Variants in DMXL2 observed in about 807,000 individuals in gnomAD.
DMXL2 encodes the protein dmX-like protein 2.
DMXL2 carries 103 observed loss-of-function variants against 331.1 expected under a neutral mutation model. That is an observed-to-expected ratio of 0.31 (90% confidence interval 0.27 to 0.37). The LOEUF (loss-of-function observed/expected upper bound fraction) is 0.37. DMXL2 is among the 10% of genes least tolerant of loss of function. The pLI is 1.00. For missense variants in DMXL2, 3,171 were observed against 3,642.9 expected, an observed-to-expected ratio of 0.87 and a Z score of 3.33; for synonymous variants, 1,281 against 1,252.1, an observed-to-expected ratio of 1.02 and a Z score of -0.49.
intron 1 of DMXL2, among the ~76,000 whole-genome samples, chr15:51,578,926 G>A (rs2051225621): frequency 6.6e-6 from 1 of 152,174 alleles, no homozygotes; most frequent in Non-Finnish European, 1.5e-5. Flanking sequence ...GAAACACAGT[G>A]AGACTTCATC....
At chr15:51,495,164 G>C (rs1195888823) in intron 18 of DMXL2, 30 bp from the exon 19 acceptor site, 1 of 1,480,382 alleles carries the variant, frequency 6.8e-7, no homozygotes, top group Admixed American at 1.7e-5. Flanking sequence ...TATGTTTAAG[G>C]AAAAAAGAAT....
chr15:51,464,970 C>T, intron 31 of DMXL2, 94 bp from the exon 32 acceptor site: 5 of 1,106,970 alleles, frequency 4.5e-6, no homozygotes, highest in Middle Eastern at 2.3e-4. Flanking sequence ...GATAATACTT[C>T]TGAAAATACA....
intron 1 of DMXL2, among the ~76,000 whole-genome samples, chr15:51,593,125 G>T (rs1051383535): frequency 2.3e-4 from 35 of 152,126 alleles, no homozygotes; most frequent in Non-Finnish European, 4.7e-4. Flanking sequence ...CTGGCAAATT[G>T]GATAAAGAGT....
intron 1 of DMXL2, among the ~76,000 whole-genome samples, chr15:51,597,408 C>A (rs1266521034): frequency 6.6e-6 from 1 of 152,124 alleles, no homozygotes; most frequent in South Asian, 2.1e-4. Context: ...CCCCTCTGAA[C>A]TTTATGTAAA....
intron 22 of DMXL2, among the ~76,000 whole-genome samples, chr15:51,486,816 T>C (rs2042427875): frequency 6.6e-6 from 1 of 152,152 alleles, no homozygotes; most frequent in South Asian, 2.1e-4. Flanking sequence ...TTCTGAGCAT[T>C]TGAGGTCATT....
intron 1 of DMXL2, among the ~76,000 whole-genome samples, chr15:51,585,972 T>G (rs1180197308): frequency 2.6e-5 from 4 of 152,190 alleles, no homozygotes; most frequent in Admixed American, 6.6e-5. Context: ...CATTGAGATG[T>G]AAGTCCACAC....
rs565273364 is a variant in DMXL2, at chr15:51,576,662, A to G, written c.88-481T>C. Among the ~76,000 whole-genome samples the G allele has an allele frequency of 1.3e-3, 198 of 152,322 alleles. 2 individuals carry two copies. The highest frequency in any genetic ancestry group is 4.6e-3 in the African/African-American group (192 of 41,580). ...GCCTTAAAGAGCTAGTTAAATAAAC[A>G]TGAACAACAAAGGCAGAATTACATG... On this transcript the variant is annotated intron_variant, in intron 1 of 43. Transcript: ENST00000560891.
chr15:51,497,929 G>C (rs915485380), intron 18 of DMXL2, among the ~76,000 whole-genome samples: 8 of 152,086 alleles, frequency 5.3e-5, no homozygotes, highest in African/African-American at 1.9e-4. Context: ...GGATCAATCT[G>C]TGTTAAAAAA....
intron 7 of DMXL2, among the ~76,000 whole-genome samples, chr15:51,546,967 C>G (rs984859828): frequency 3.3e-5 from 5 of 152,078 alleles, no homozygotes; most frequent in African/African-American, 7.2e-5. Flanking sequence ...ACTTCCCACC[C>G]ACAAACTACA....
At position 51,486,131 on chromosome 15, in the gene DMXL2, G is replaced by A; in HGVS notation, c.5424C>T (p.Tyr1808=). 1.2e-6 allele frequency: 2 copies of A among 1,614,024 alleles called. No individual in the cohort carries two copies. Among genetic ancestry groups the A allele is most frequent in the Non-Finnish European group, 1.7e-6 (2 of 1,179,936 alleles). The change falls in exon 23 of 44, where the codon TAC becomes TAT. Residue 1808 remains tyrosine, a synonymous_variant. Coordinates refer to ENST00000560891, the MANE Select transcript of DMXL2 (RefSeq NM_001378457.1). ...RSLAYWVMKD[Y]TRALDTLLEQ... is the part of the protein sequence containing the mutation. ...CCAGTAATGTGTCCAAGGCTCGGGT[G>A]TAATCTTTCATTACCCAATAGGCAA... is the stretch of plus-strand genomic sequence containing the variant.
intron 13 of DMXL2, 139 bp downstream of exon 13, chr15:51,535,524 G>A: frequency 1.6e-6 from 1 of 642,522 alleles, no homozygotes; most frequent in Non-Finnish European, 2.4e-6. Context: ...AAAAATAAAT[G>A]TGTCATATAT....
At chr15:51,591,423 A>G (rs553463975) in intron 1 of DMXL2, among the ~76,000 whole-genome samples, 114 of 152,276 alleles carry the variant, frequency 7.5e-4, no homozygotes, top group African/African-American at 2.5e-3. Context: ...GTAGGTAAAC[A>G]AAGCGGTGGG....
intron 1 of DMXL2, among the ~76,000 whole-genome samples, chr15:51,612,108 G>A (rs933762935): frequency 6.6e-6 from 1 of 152,134 alleles, no homozygotes; most frequent in Non-Finnish European, 1.5e-5. Flanking sequence ...GGAAGACCAC[G>A]AACCCACTGG....
chr15:51,475,803 C>T (rs2041533651), intron 27 of DMXL2, among the ~76,000 whole-genome samples: 1 of 152,054 alleles, frequency 6.6e-6, no homozygotes, highest in South Asian at 2.1e-4. Context: ...AGGAAACACA[C>T]ATTGAAATGT....
chr15:51,582,412 G>T (rs2051494086), intron 1 of DMXL2, among the ~76,000 whole-genome samples: 1 of 151,986 alleles, frequency 6.6e-6, no homozygotes, highest in Non-Finnish European at 1.5e-5. Context: ...CACTTCTGCT[G>T]TGATCTTTGC....
intron 1 of DMXL2, among the ~76,000 whole-genome samples, chr15:51,589,877 G>T (rs536348118): frequency 1.1e-4 from 17 of 152,122 alleles, no homozygotes; most frequent in Non-Finnish European, 2.4e-4. Flanking sequence ...AAAACATCCA[G>T]ACATGCAAAC....
chr15:51,492,053 A>C (rs557962675), intron 19 of DMXL2, among the ~76,000 whole-genome samples: 2 of 152,368 alleles, frequency 1.3e-5, no homozygotes, highest in South Asian at 4.1e-4. Flanking sequence ...GGCCATTCAC[A>C]TGTACGGTAC....
At chr15:51,604,750 T>C (rs1019854189) in intron 1 of DMXL2, among the ~76,000 whole-genome samples, 5 of 152,008 alleles carry the variant, frequency 3.3e-5, no homozygotes, top group African/African-American at 1.2e-4. Context: ...GATCCTAAAA[T>C]TTAAATGGAA....
At chr15:51,468,437 T>C (rs1286440524) in intron 29 of DMXL2, among the ~76,000 whole-genome samples, 3 of 152,138 alleles carry the variant, frequency 2.0e-5, no homozygotes, top group Admixed American at 2.0e-4. Context: ...ATAACTGCAA[T>C]AGATTAAAAC....
Sources: allele counts gnomAD v4.1 joint callset (sites outside exome capture counted in the v4.1 genomes callset), GRCh38; gene constraint gnomAD v4.1.1; transcripts MANE v1.5; gene names NCBI Gene and HGNC (gene_info 2026-07-23, HGNC 2026-07-21).